PCDHGB1: variants seen among roughly 807,000 people sequenced by gnomAD.
The protein encoded by PCDHGB1 is protocadherin gamma-B1.
In PCDHGB1, 34 loss-of-function variants were observed where a neutral mutation model predicts 56.6. That is an observed-to-expected ratio of 0.60 (90% CI 0.46 to 0.80). PCDHGB1 has a LOEUF of 0.80. Among genes scored for constraint, PCDHGB1 ranks in the 30% least tolerant of loss-of-function variants. The pLI is 0.00. For missense variants in PCDHGB1, 1,278 were observed against 1,204.6 expected, an observed-to-expected ratio of 1.06 and a Z score of -0.90; for synonymous variants, 561 against 505.9, an observed-to-expected ratio of 1.11 and a Z score of -1.46.
intron 1 of PCDHGB1, among the ~76,000 whole-genome samples, chr5:141,474,684 T>A (rs1302389621): frequency 6.6e-6 from 1 of 152,246 alleles, no homozygotes; most frequent in Non-Finnish European, 1.5e-5. Context: ...TGCCTACCCC[T>A]TCACTTATGT....
Position 141,371,209 on chromosome 5 carries a change from G to A in PCDHGB1, c.2409+18540G>A, listed in dbSNP as rs143352621. 154 of 1,614,006 alleles carry A rather than the reference G, an allele frequency of 9.5e-5. No individual in the cohort carries two copies. The African/African-American group carries it at 1.8e-3, about 19-fold the overall frequency. ...GTGATGGCCATTGACATGGATGAGG[G>A]CATCAATGCCGAAATCATCTATGCC... On this transcript the variant is annotated intron_variant, in intron 1 of 3. Transcript: ENST00000523390.
intron 1 of PCDHGB1, chr5:141,411,535 G>C (rs945278706): frequency 6.6e-6 from 1 of 152,274 alleles, no homozygotes; most frequent in Non-Finnish European, 1.5e-5. Context: ...AGTGAGCCCT[G>C]ATCTTGCCAC....
intron 1 of PCDHGB1, chr5:141,407,971 G>T (rs1399304138): frequency 2.8e-6 from 2 of 717,762 alleles, no homozygotes; most frequent in Non-Finnish European, 4.3e-6. Context: ...AAGCGCTGAC[G>T]CCGGGGATCC....
At chr5:141,428,020 C>A (rs1443722620) in intron 1 of PCDHGB1, 1 of 1,605,408 alleles carries the variant, frequency 6.2e-7, no homozygotes, top group Admixed American at 1.7e-5. Context: ...GTGCCACGCG[C>A]CGCAGAGTCC....
At chr5:141,435,446 G>A (rs889481920) in intron 1 of PCDHGB1, among the ~76,000 whole-genome samples, 12 of 152,060 alleles carry the variant, frequency 7.9e-5, no homozygotes, top group Admixed American at 6.6e-4. Context: ...TCATTAATAC[G>A]ATATCTGTAT....
chr5:141,415,849 C>A (rs1453652151), intron 1 of PCDHGB1: 2 of 1,230,672 alleles, frequency 1.6e-6, no homozygotes, highest in Non-Finnish European at 2.1e-6. Flanking sequence ...CTTTGCAGAA[C>A]CTTGTAGTTT....
At chr5:141,419,254 C>A in intron 1 of PCDHGB1, 1 of 1,614,020 alleles carries the variant, frequency 6.2e-7, no homozygotes, top group Non-Finnish European at 8.5e-7. Context: ...CAGAAAACAA[C>A]CAGCCGGGTG....
chr5:141,452,888 C>T (rs62379168), intron 1 of PCDHGB1, among the ~76,000 whole-genome samples: 13,856 of 152,130 alleles, frequency 0.091, 849 homozygotes, highest in African/African-American at 0.17. Flanking sequence ...TAATTTATTC[C>T]ACTTTTATTA....
At chr5:141,385,042 A>C (rs1308417984) in intron 1 of PCDHGB1, 1 of 1,614,150 alleles carries the variant, frequency 6.2e-7, no homozygotes, top group Non-Finnish European at 8.5e-7. Flanking sequence ...GCTGGCGCTC[A>C]GGCTGCGGCG....
At chr5:141,356,043 C>T (rs755704809) in intron 1 of PCDHGB1, 3 of 1,613,952 alleles carry the variant, frequency 1.9e-6, no homozygotes, top group Admixed American at 1.7e-5. Flanking sequence ...CGTATTCTTT[C>T]CGGAAAGTAA....
chr5:141,383,445 G>T (rs1779137475), intron 1 of PCDHGB1: 1 of 1,613,958 alleles, frequency 6.2e-7, no homozygotes, highest in East Asian at 2.2e-5. Flanking sequence ...CCCTGGCTGT[G>T]CAAAGTGGAG....
Position 141,418,384 on chromosome 5 carries a change from C to T in PCDHGB1, c.2409+65715C>T, listed in dbSNP as rs774636792. 5 of 1,613,982 alleles carry T rather than the reference C, an allele frequency of 3.1e-6. No homozygotes were observed. In the South Asian group the frequency reaches 4.4e-5, roughly 14 times the overall value. ...TGAGCAAATACCAACTAAGTCCTAA[C>T]GAGTATTTCTCATTGGTGGAGAAAG... is the stretch of plus-strand genomic sequence containing the variant. On this transcript the variant is annotated intron_variant, in intron 1 of 3. Coordinates refer to ENST00000523390, the MANE Select transcript of PCDHGB1 (RefSeq NM_018922.3).
At chr5:141,361,981 C>T in intron 1 of PCDHGB1, 1 of 1,601,314 alleles carries the variant, frequency 6.2e-7, no homozygotes, top group Non-Finnish European at 8.5e-7. Context: ...CGAGCCCGGG[C>T]TCTTCAGCCT....
At chr5:141,453,101 TTTTTGTTTTG>T (rs879618609) in intron 1 of PCDHGB1, among the ~76,000 whole-genome samples, 16 of 152,130 alleles carry the variant, frequency 1.1e-4, no homozygotes, top group Middle Eastern at 3.4e-3. Flanking sequence ...TTCTGTTGCT[TTTTTGTTTTG>T]TTTTGTTTTG....
intron 1 of PCDHGB1, chr5:141,405,588 G>T: frequency 1.7e-6 from 1 of 584,820 alleles, no homozygotes; most frequent in Non-Finnish European, 3.0e-6. Flanking sequence ...GGGACTACAG[G>T]CCTCCCAAGT....
At chr5:141,405,555 G>C in intron 1 of PCDHGB1, 1 of 620,228 alleles carries the variant, frequency 1.6e-6, no homozygotes, top group Non-Finnish European at 2.8e-6. Context: ...AAGTAGAGTA[G>C]CTGGGACTAG....
chr5:141,408,924 T>G, intron 1 of PCDHGB1: 1 of 1,612,706 alleles, frequency 6.2e-7, no homozygotes. Flanking sequence ...AACCCCCCGG[T>G]TTTCAGCAGA....
rs766779419 is a variant in PCDHGB1, at chr5:141,389,386, C to G, written c.2409+36717C>G. On this transcript the variant is annotated intron_variant, in intron 1 of 3. Transcript: ENST00000523390. ...GACCTGGAGCAGCGGGAGCTGTCAT[C>G]CTACGTGTCCATAAGCGCGGAGAGC... The G allele has an allele frequency of 1.1e-5, 17 of 1,613,620 alleles. No homozygotes were observed. The highest frequency in any genetic ancestry group is 6.7e-5 in the African/African-American group (5 of 74,960).
intron 1 of PCDHGB1, chr5:141,413,798 AAG>A (rs914638812): frequency 2.7e-5 from 44 of 1,613,066 alleles, no homozygotes; most frequent in Non-Finnish European, 3.5e-5. Context: ...GATCGCGAGG[AAG>A]AGGCCATTCA....
Sources: allele counts gnomAD v4.1 joint callset (sites outside exome capture counted in the v4.1 genomes callset), GRCh38; gene constraint gnomAD v4.1.1; transcripts MANE v1.5; gene names NCBI Gene and HGNC (gene_info 2026-07-23, HGNC 2026-07-21).